PTPRU: variants seen among roughly 807,000 people sequenced by gnomAD.
PTPRU encodes the protein receptor-type tyrosine-protein phosphatase U.
Under a neutral mutation model 166.3 loss-of-function variants are expected in PTPRU, and 69 were observed. The observed-to-expected ratio is 0.41, with a 90% CI of 0.34 to 0.51. The LOEUF is 0.51. Ranked by LOEUF, PTPRU falls within the 20% of genes least tolerant of loss-of-function variation. PTPRU has a pLI of 0.09. For synonymous variants in PTPRU, 793 were observed against 814.0 expected (o/e 0.97, Z 0.44); for missense variants, 1,657 against 2,013.7 (o/e 0.82, Z 3.39).
chr1:29,298,500 C>T lies in PTPRU; in HGVS notation c.2477-5355C>T, dbSNP rs142852446. ...ATGAAGGACTTATCACTGTGGGTAA[C>T]TGGTGGCGGGGCTGGTGTGAAAAAG... On this transcript the variant is annotated intron_variant, in intron 15 of 29. Transcript: ENST00000373779. Among the ~76,000 whole-genome samples the T allele has an allele frequency of 3.9e-5, 6 of 152,310 alleles. No individual in the cohort carries two copies. In the East Asian group the frequency reaches 1.2e-3, roughly 29 times the overall value.
intron 1 of PTPRU, among the ~76,000 whole-genome samples, chr1:29,250,781 C>G (rs1327833349): frequency 6.6e-6 from 1 of 152,176 alleles, no homozygotes. Context: ...CTTTTGGCTC[C>G]TAGCTGACCA....
At chr1:29,264,591 C>T (rs1278259395) in intron 7 of PTPRU, among the ~76,000 whole-genome samples, 11 of 151,840 alleles carry the variant, frequency 7.2e-5, no homozygotes, top group African/African-American at 1.2e-4. Context: ...CTGCAACCTC[C>T]GCCTCCCAGG....
In PTPRU at chr1:29,280,880, C is replaced by T. The variant is rs1485316014; in HGVS notation, c.1868+739C>T. Among the ~76,000 whole-genome samples the T allele has an allele frequency of 6.6e-6, 1 of 152,106 alleles. No homozygotes were observed. Among genetic ancestry groups the T allele is most frequent in the African/African-American group, 2.4e-5 (1 of 41,412 alleles). On this transcript the variant is annotated intron_variant, in intron 11 of 29. Transcript: ENST00000373779. The surrounding 1 kb of genome is among the most constrained non-coding windows in gnomAD (Gnocchi z 4.2). ...TGCATGAAGCCATTTATCCTCATGG[C>T]AGCCCTGTGGCATGGGTATTATTAC...
Position 29,317,805 on chromosome 1 carries a change from C to T in PTPRU, c.3571C>T (p.Pro1191Ser). 1 of 1,613,192 alleles carries T rather than the reference C, an allele frequency of 6.2e-7. No individual in the cohort carries two copies. Among genetic ancestry groups the T allele is most frequent in the Non-Finnish European group, 8.5e-7 (1 of 1,180,024 alleles). The change falls in exon 25 of 30, where the codon CCC (proline) becomes TCC (serine). Residue 1191 changes from proline to serine, a missense_variant. By Grantham distance (74) the Pro-to-Ser change is moderately conservative. Transcript: ENST00000373779. This position sits in a 1 kb window ranked among gnomAD's most constrained non-coding sequence, Gnocchi z 5.6. ...GGAGGAGTGCAGCATCGCCCTGTTGCCCCGGAACCGCGACAAGAACCGCAG... is the reference window on the plus strand; with the variant it reads ...GGAGGAGTGCAGCATCGCCCTGTTGTCCCGGAACCGCGACAAGAACCGCAG... ...DVEECSIALL[P>S]RNRDKNRSMD... is the part of the protein sequence containing the mutation.
intron 1 of PTPRU, among the ~76,000 whole-genome samples, chr1:29,244,966 G>A (rs12090293): frequency 0.11 from 16,222 of 151,992 alleles, 1,187 homozygotes; most frequent in African/African-American, 0.21. Flanking sequence ...GGGGACGGGG[G>A]TGGTGGTTGG....
rs1054022125 is a variant in PTPRU, at chr1:29,291,230, A to G, written c.2319-639A>G. Among the ~76,000 whole-genome samples, 1 of 151,996 alleles carries G rather than the reference A, an allele frequency of 6.6e-6. No individual in the cohort carries two copies. Among genetic ancestry groups the G allele is most frequent in the Non-Finnish European group, 1.5e-5 (1 of 67,992 alleles). On this transcript the variant is annotated intron_variant, in intron 14 of 29. Coordinates refer to ENST00000373779, the MANE Select transcript of PTPRU (RefSeq NM_133178.4). The surrounding 1 kb of genome is among the most constrained non-coding windows in gnomAD (Gnocchi z 4.1). ...ATCTGGACCTTCTGTGGGTCTCTTT[A>G]CAAGTCTGTGGTGGTCTATGCTGGG...
intron 1 of PTPRU, among the ~76,000 whole-genome samples, chr1:29,250,143 C>T (rs1684485394): frequency 6.6e-6 from 1 of 152,124 alleles, no homozygotes; most frequent in Admixed American, 6.5e-5. Flanking sequence ...CTCTACCTGG[C>T]CCCCTCCCCT....
At chr1:29,303,101 G>T (rs1020141349) in intron 15 of PTPRU, among the ~76,000 whole-genome samples, 2 of 152,192 alleles carry the variant, frequency 1.3e-5, no homozygotes, top group Non-Finnish European at 2.9e-5. Context: ...CTGTTGTTAA[G>T]CGATGCATAA....
intron 1 of PTPRU, among the ~76,000 whole-genome samples, chr1:29,245,693 T>G (rs1466342170): frequency 6.6e-6 from 1 of 151,108 alleles, no homozygotes; most frequent in Non-Finnish European, 1.5e-5. Flanking sequence ...TCCTGCCATG[T>G]GTGTGTCTTT....
At chr1:29,295,421 T>C (rs561020533) in intron 15 of PTPRU, among the ~76,000 whole-genome samples, 5 of 152,204 alleles carry the variant, frequency 3.3e-5, no homozygotes, top group Non-Finnish European at 5.9e-5. Flanking sequence ...TTGTATTGAA[T>C]TTATAGATCA....
chr1:29,282,767 G>C lies in PTPRU; in HGVS notation c.1960G>C (p.Glu654Gln), dbSNP rs769159207. 33 of 1,613,948 alleles carry C rather than the reference G, an allele frequency of 2.0e-5. No homozygotes were observed. The highest frequency in any genetic ancestry group is 3.3e-5 in the Admixed American group (2 of 60,002). ...CTGCTTCCCAGTGCCATTGACCTTC[G>C]AGGCGGCGCTGGCCCGAGGCCTGGT... is the stretch of plus-strand genomic sequence containing the variant. ...QDCFPVPLTFEAALARGLVHY... is the reference protein window; with the variant it reads ...QDCFPVPLTFQAALARGLVHY... The change falls in exon 12 of 30, where the codon GAG becomes CAG. Residue 654 changes from glutamate (E) to glutamine (Q), a missense_variant. Glu to Gln is a conservative substitution (Grantham distance 29). Transcript: ENST00000373779.
Position 29,291,899 on chromosome 1 carries a change from C to T in PTPRU, c.2349C>T (p.Val783=). The T allele has an allele frequency of 1.2e-6, 2 of 1,614,106 alleles. No individual in the cohort carries two copies. Among genetic ancestry groups the T allele is most frequent in the Non-Finnish European group, 1.7e-6 (2 of 1,179,990 alleles). The change falls in exon 15 of 30, where the codon GTC becomes GTT. Residue 783 remains valine, a synonymous_variant. Coordinates refer to ENST00000373779, the MANE Select transcript of PTPRU (RefSeq NM_133178.4). This position sits in a 1 kb window ranked among gnomAD's most constrained non-coding sequence, Gnocchi z 4.1. ...GKPVNMTKAT[V]NYRQEKTHMM... is the part of the protein sequence containing the mutation. ...CGGTGAACATGACCAAGGCCACCGT[C>T]AACTACCGCCAGGAGAAGACACACA...
Position 29,279,257 on chromosome 1 carries a change from C to A in PTPRU, c.1563+136C>A. 1.0e-6 allele frequency: 1 copy of A among 998,772 alleles called. No individual in the cohort carries two copies. Among genetic ancestry groups the A allele is most frequent in the Admixed American group, 2.2e-5 (1 of 45,456 alleles). The allele number at this position is 998,772 out of a possible 1,614,324, so 61.9% of individuals were successfully genotyped here. A position where few individuals can be genotyped will look rare whatever the true frequency, so the allele number is the denominator to read the frequency against. On this transcript the variant is annotated intron_variant, in intron 9 of 29. Coordinates refer to ENST00000373779, the MANE Select transcript of PTPRU (RefSeq NM_133178.4). The surrounding 1 kb of genome is among the most constrained non-coding windows in gnomAD (Gnocchi z 5.2). ...ATAGTTTCTTCAACTATGGCCAGGT[C>A]TGTGCCCTGTGTATTCTAGAGGAGG...
At chr1:29,321,133 C>A (rs1177969464) in intron 26 of PTPRU, among the ~76,000 whole-genome samples, 1 of 152,046 alleles carries the variant, frequency 6.6e-6, no homozygotes, top group Admixed American at 6.5e-5. Flanking sequence ...TGGGCCCAAG[C>A]CATCCTTCCA....
chr1:29,310,772 C>G lies in PTPRU; in HGVS notation c.2849C>G (p.Ala950Gly). ...DGYHRSNHFI[A>G]TQGPKPEMVY... ...TACCACAGGTCAAACCACTTCATAG[C>G]CACTCAAGGTACCTGGCACTTCTGC... Residue 950 changes from alanine to glycine, a missense_variant, in exon 19 of 30, where the codon GCC (alanine) becomes GGC (glycine). Physicochemically the swap from Ala to Gly is moderately conservative, Grantham distance 60. Around this residue, in one of 3 missense-constraint regions of PTPRU, gnomAD observed 1,190 missense variants for 1,477.4 expected, o/e 0.81. Coordinates refer to ENST00000373779, the MANE Select transcript of PTPRU (RefSeq NM_133178.4). The G allele has an allele frequency of 1.2e-6, 2 of 1,613,986 alleles. No individual in the cohort carries two copies. The highest frequency in any genetic ancestry group is 1.7e-6 in the Non-Finnish European group (2 of 1,179,858).
chr1:29,247,580 G>T (rs570702275), intron 1 of PTPRU, among the ~76,000 whole-genome samples: 2 of 152,114 alleles, frequency 1.3e-5, no homozygotes, highest in Non-Finnish European at 2.9e-5. Flanking sequence ...TTCGTATGTC[G>T]CAGGGTGTCT....
rs1297418416 is a variant in PTPRU, at chr1:29,250,475, T to G, written c.74-4800T>G. 2.6e-5 allele frequency among the ~76,000 whole-genome samples: 4 copies of G among 152,244 alleles called. No homozygotes were observed. In the East Asian group the frequency reaches 7.7e-4, roughly 29 times the overall value. Reference sequence around the variant, plus strand: ...GTAAGCAGCTGTATCTCTCTGAGCCTGTTTTAATCTGTAAATTAGGAATAA... The same window carrying G: ...GTAAGCAGCTGTATCTCTCTGAGCCGGTTTTAATCTGTAAATTAGGAATAA... On this transcript the variant is annotated intron_variant, in intron 1 of 29. Transcript: ENST00000373779.
intron 1 of PTPRU, among the ~76,000 whole-genome samples, chr1:29,240,381 G>T (rs1306572096): frequency 6.6e-6 from 1 of 152,134 alleles, no homozygotes; most frequent in Non-Finnish European, 1.5e-5. Flanking sequence ...ACAAGGCCTG[G>T]CCCACCGGGT....
intron 18 of PTPRU, among the ~76,000 whole-genome samples, chr1:29,305,816 T>C (rs1387913160): frequency 6.6e-6 from 1 of 152,082 alleles, no homozygotes; most frequent in Non-Finnish European, 1.5e-5. Flanking sequence ...AGTGGGGGCT[T>C]TTTCCTAGGG....
Sources: allele counts gnomAD v4.1 joint callset (sites outside exome capture counted in the v4.1 genomes callset), GRCh38; gene constraint gnomAD v4.1.1; regional missense constraint gnomAD v4.1.1; non-coding constraint Gnocchi (gnomAD v3.1); transcripts MANE v1.5; gene names NCBI Gene and HGNC (gene_info 2026-07-23, HGNC 2026-07-21).